PLCL1: variants seen among roughly 807,000 people sequenced by gnomAD.
PLCL1 encodes phospholipase C like 1 (inactive).
In PLCL1, 41 loss-of-function variants were observed where a neutral mutation model predicts 84.4. The ratio of observed to expected loss-of-function variants is 0.49; its 90% confidence interval spans 0.38 to 0.63. PLCL1 has a LOEUF of 0.63. PLCL1 is among the 30% of genes least tolerant of loss of function. The pLI, the probability that PLCL1 is intolerant of heterozygous loss-of-function variation, is 0.00. For missense variants in PLCL1, 1,206 were observed against 1,367.8 expected, an observed-to-expected ratio of 0.88 and a Z score of 1.87; for synonymous variants, 490 against 488.3, an observed-to-expected ratio of 1.00 and a Z score of -0.05.
chr2:198,115,145 C>A (rs1326746138), intron 5 of PLCL1, among the ~76,000 whole-genome samples: 3 of 151,786 alleles, frequency 2.0e-5, no homozygotes, highest in African/African-American at 7.2e-5. Context: ...GTGGTCAGTC[C>A]TTTCTTGGTA....
At chr2:197,810,194 GT>G in intron 1 of PLCL1, 1 of 561,064 alleles carries the variant, frequency 1.8e-6, no homozygotes, top group Non-Finnish European at 2.7e-6. Context: ...CAGTTAGAAT[GT>G]TACTTTCTCT....
At chr2:198,053,267 G>A (rs1259782547) in intron 1 of PLCL1, among the ~76,000 whole-genome samples, 1 of 152,192 alleles carries the variant, frequency 6.6e-6, no homozygotes, top group East Asian at 1.9e-4. Context: ...TTATCTGCAT[G>A]GCTGAAGGTT....
intron 1 of PLCL1, among the ~76,000 whole-genome samples, chr2:198,023,384 C>A (rs2105841810): frequency 1.3e-5 from 2 of 152,200 alleles, no homozygotes; most frequent in South Asian, 4.2e-4. Flanking sequence ...GCAACAAAAG[C>A]CAAAATTGAC....
chr2:198,145,373 G>T (rs576994031), intron 5 of PLCL1, among the ~76,000 whole-genome samples: 1 of 152,274 alleles, frequency 6.6e-6, no homozygotes, highest in South Asian at 2.1e-4. Context: ...TCTCAGACTA[G>T]ATTGTAAACA....
chr2:198,053,999 A>C (rs745441601), intron 1 of PLCL1, among the ~76,000 whole-genome samples: 8 of 152,234 alleles, frequency 5.3e-5, no homozygotes, highest in Non-Finnish European at 1.2e-4. Context: ...AAAAATGTTC[A>C]GAGGAAAGAG....
chr2:198,136,049 A>G (rs1478441234), intron 5 of PLCL1, among the ~76,000 whole-genome samples: 1 of 152,122 alleles, frequency 6.6e-6, no homozygotes, highest in East Asian at 1.9e-4. Context: ...TTTTTGGACT[A>G]ATGAGTAATG....
rs1376708172 is a variant in PLCL1, at chr2:197,985,540, T to A, written c.241-98218T>A. Among the ~76,000 whole-genome samples, 3 of 152,292 alleles carry A rather than the reference T, an allele frequency of 2.0e-5. No homozygotes were observed. In the East Asian group the frequency reaches 5.8e-4, roughly 29 times the overall value. On this transcript the variant is annotated intron_variant, in intron 1 of 5. Coordinates refer to ENST00000428675, the MANE Select transcript of PLCL1 (RefSeq NM_006226.4). ...TCTGCCTGTGTTTGTAAGTAAAGTT[T>A]TATTGCTAATTACCCTGATTTGAGA...
intron 1 of PLCL1, among the ~76,000 whole-genome samples, chr2:197,902,527 G>A (rs980469385): frequency 2.6e-5 from 4 of 152,142 alleles, no homozygotes; most frequent in Admixed American, 2.6e-4. Flanking sequence ...AAAGTTTGAG[G>A]AGAAAATATT....
At chr2:197,926,297 G>T (rs776654556) in intron 1 of PLCL1, among the ~76,000 whole-genome samples, 3 of 152,196 alleles carry the variant, frequency 2.0e-5, no homozygotes, top group Non-Finnish European at 2.9e-5. Context: ...GAAAACATCA[G>T]AATGTGACAA....
Position 197,897,211 on chromosome 2 carries a change from C to CTTCCTCTTG in PLCL1, c.240+91880_240+91881insGTTCCTCTT, listed in dbSNP as rs796481209. Reference sequence around the variant, plus strand: ...CTTCTCCTTCTCCTTCTTCTTTCTTCTTCCTCTTCTTCCTCTTCTTCTTCC... The same window carrying CTTCCTCTTG: ...CTTCTCCTTCTCCTTCTTCTTTCTTCTTCCTCTTGTTCCTCTTCTTCCTCTTCTTCTTCC... On this transcript the variant is annotated intron_variant, in intron 1 of 5. Transcript: ENST00000428675. 4.0e-5 allele frequency among the ~76,000 whole-genome samples: 6 copies of CTTCCTCTTG among 148,970 alleles called. 1 individual carries two copies. In the South Asian group the frequency reaches 8.6e-4, roughly 21 times the overall value.
At chr2:198,003,268 A>G (rs1690649530) in intron 1 of PLCL1, among the ~76,000 whole-genome samples, 1 of 152,208 alleles carries the variant, frequency 6.6e-6, no homozygotes, top group Admixed American at 6.5e-5. Flanking sequence ...AACAAGGGGC[A>G]CTTCTTGCCA....
At chr2:198,062,642 A>C (rs772342745) in intron 1 of PLCL1, among the ~76,000 whole-genome samples, 2 of 152,134 alleles carry the variant, frequency 1.3e-5, no homozygotes, top group African/African-American at 4.8e-5. Context: ...AGTTTTTTTC[A>C]TAAGTGTATG....
intron 1 of PLCL1, among the ~76,000 whole-genome samples, chr2:198,070,136 A>C (rs533920653): frequency 1.3e-5 from 2 of 152,166 alleles, no homozygotes; most frequent in Non-Finnish European, 2.9e-5. Flanking sequence ...TTTTATAATT[A>C]TTAATAGTAT....
intron 1 of PLCL1, among the ~76,000 whole-genome samples, chr2:197,867,221 C>T (rs1193915085): frequency 6.6e-6 from 1 of 152,148 alleles, no homozygotes; most frequent in African/African-American, 2.4e-5. Flanking sequence ...CCTTCCTGGC[C>T]TGACTGATGT....
chr2:197,987,109 A>T (rs1690234909), intron 1 of PLCL1, among the ~76,000 whole-genome samples: 3 of 152,192 alleles, frequency 2.0e-5, no homozygotes, highest in African/African-American at 7.2e-5. Context: ...ATAAAGTCTC[A>T]TTAGTTTTTA....
At chr2:197,885,534 A>G (rs1227562415) in intron 1 of PLCL1, among the ~76,000 whole-genome samples, 1 of 152,176 alleles carries the variant, frequency 6.6e-6, no homozygotes, top group Non-Finnish European at 1.5e-5. Flanking sequence ...TTCCAATGCT[A>G]ATCTCATCCG....
intron 1 of PLCL1, among the ~76,000 whole-genome samples, chr2:197,960,689 T>C (rs1483349483): frequency 6.6e-6 from 1 of 152,128 alleles, no homozygotes; most frequent in Non-Finnish European, 1.5e-5. Context: ...CTGTGCAGTA[T>C]GACTGGCACA....
At chr2:198,104,416 C>A (rs1352116325) in intron 5 of PLCL1, among the ~76,000 whole-genome samples, 1 of 151,712 alleles carries the variant, frequency 6.6e-6, no homozygotes, top group Non-Finnish European at 1.5e-5. Context: ...GTATATGTAC[C>A]ACATTATCTT....
rs113345570 is a variant in PLCL1 at position 197,916,672 on chromosome 2, C to T, written c.240+111333C>T. ...AGCAGGCTTTCAGAGAAGGCCAATTCAAATTGCATACCAGATACTGCCCAA... is the reference window on the plus strand; with the variant it reads ...AGCAGGCTTTCAGAGAAGGCCAATTTAAATTGCATACCAGATACTGCCCAA... On this transcript the variant is annotated intron_variant, in intron 1 of 5. Coordinates refer to ENST00000428675, the MANE Select transcript of PLCL1 (RefSeq NM_006226.4). Among the ~76,000 whole-genome samples, 1,000 of 151,784 alleles carry T rather than the reference C, an allele frequency of 6.6e-3. 7 individuals carry two copies. Among genetic ancestry groups the T allele is most frequent in the Admixed American group, 0.02 (297 of 15,188 alleles).
Sources: allele counts gnomAD v4.1 joint callset (sites outside exome capture counted in the v4.1 genomes callset), GRCh38; gene constraint gnomAD v4.1.1; transcripts MANE v1.5; gene names NCBI Gene and HGNC (gene_info 2026-07-23, HGNC 2026-07-21).